CRYBG1: variants seen among roughly 807,000 people sequenced by gnomAD.
The protein encoded by CRYBG1 is crystallin beta-gamma domain containing 1.
Under a neutral mutation model 189.2 loss-of-function variants are expected in CRYBG1, and 139 were observed. The ratio of observed to expected loss-of-function variants is 0.73; its 90% CI spans 0.64 to 0.85. CRYBG1 has a LOEUF of 0.85. Among genes scored for constraint, CRYBG1 ranks in the 40% least tolerant of loss-of-function variants. The pLI is 0.00. For synonymous variants in CRYBG1, 1,023 were observed against 1,017.1 expected (o/e 1.01, Z -0.11); for missense variants, 2,611 against 2,675.8 (o/e 0.98, Z 0.53).
At chr6:106,472,665 C>T (rs140300040) in intron 2 of CRYBG1, among the ~76,000 whole-genome samples, 19 of 151,616 alleles carry the variant, frequency 1.3e-4, no homozygotes, top group Middle Eastern at 3.4e-3. Context: ...AAGGCCAAGG[C>T]GGGCAGATTG....
intron 2 of CRYBG1, among the ~76,000 whole-genome samples, chr6:106,505,584 G>A (rs774239557): frequency 9.3e-5 from 14 of 151,252 alleles, no homozygotes; most frequent in Non-Finnish European, 1.6e-4. Context: ...CCCCATCTTC[G>A]TTCTTTAGTT....
rs1416526362 is a variant in CRYBG1 at position 106,512,305 on chromosome 6, T to C, written c.1188T>C (p.Ile396=). Residue 396 remains isoleucine, a synonymous_variant, in exon 3 of 22, where the codon ATT becomes ATC. Coordinates refer to ENST00000633556, the MANE Select transcript of CRYBG1 (RefSeq NM_001371242.2). The part of the protein sequence containing the change: ...EGAQVDEPVV[I]TPRAEDCGDW... ...CACAAGTGGACGAGCCGGTCGTGAT[T>C]ACTCCCAGAGCGGAAGATTGCGGTG... 6.3e-7 allele frequency: 1 copy of C among 1,597,216 alleles called. No homozygotes were observed. Among genetic ancestry groups the C allele is most frequent in the Non-Finnish European group, 8.5e-7 (1 of 1,173,900 alleles).
intron 2 of CRYBG1, among the ~76,000 whole-genome samples, chr6:106,459,978 G>T (rs1051560839): frequency 1.3e-5 from 2 of 151,968 alleles, no homozygotes; most frequent in Non-Finnish European, 2.9e-5. Context: ...GTTTAAATTT[G>T]CAGTTCTTCA....
At chr6:106,379,304 C>T (rs1357981228) in intron 1 of CRYBG1, among the ~76,000 whole-genome samples, 1 of 151,380 alleles carries the variant, frequency 6.6e-6, no homozygotes. Context: ...CTCTGTTGCC[C>T]AGGCTGGAGT....
intron 1 of CRYBG1, among the ~76,000 whole-genome samples, chr6:106,414,174 T>A (rs1174211849): frequency 6.6e-6 from 1 of 152,240 alleles, no homozygotes; most frequent in East Asian, 1.9e-4. Context: ...TCCTGCTGTC[T>A]TTGAAAGAGT....
chr6:106,397,515 T>C (rs901737030), intron 1 of CRYBG1, among the ~76,000 whole-genome samples: 3 of 152,208 alleles, frequency 2.0e-5, no homozygotes, highest in Non-Finnish European at 2.9e-5. Flanking sequence ...TTGGGCACTT[T>C]TAAGGAGCTT....
At chr6:106,412,020 G>A (rs2114373087) in intron 1 of CRYBG1, among the ~76,000 whole-genome samples, 1 of 152,356 alleles carries the variant, frequency 6.6e-6, no homozygotes, top group South Asian at 2.1e-4. Context: ...TTTTCTCCCT[G>A]TTGGCTGACT....
At chr6:106,402,652 A>G (rs1770743276) in intron 1 of CRYBG1, among the ~76,000 whole-genome samples, 1 of 151,436 alleles carries the variant, frequency 6.6e-6, no homozygotes, top group South Asian at 2.1e-4. Flanking sequence ...TCAATTCAAG[A>G]TGGATTAAAG....
chr6:106,545,621 T>C (rs75938815), intron 13 of CRYBG1, among the ~76,000 whole-genome samples: 3,605 of 151,922 alleles, frequency 0.024, 154 homozygotes, highest in African/African-American at 0.081. Flanking sequence ...CTGTGTTAAC[T>C]TGACTTTAGG....
In CRYBG1 at chr6:106,512,099, CCCCGCAACG is replaced by C; in HGVS notation, c.989_997del (p.Asn330_Arg332del). ...GTGTGCCGAAGAAGGCTCCCTGGGG[CCCCGCAACG>C]CCCGCAGCCAGCCCCCCAAGGGCGC... On this transcript the variant is annotated inframe_deletion, in exon 3 of 22. Coordinates refer to ENST00000633556, the MANE Select transcript of CRYBG1 (RefSeq NM_001371242.2). 3.3e-6 allele frequency: 5 copies of C among 1,534,342 alleles called. No individual in the cohort carries two copies. In the South Asian group the frequency reaches 6.0e-5, roughly 18 times the overall value.
chr6:106,482,631 T>C lies in CRYBG1; in HGVS notation c.313-28799T>C, dbSNP rs557711596. Among the ~76,000 whole-genome samples the C allele has an allele frequency of 4.6e-5, 7 of 151,960 alleles. No homozygotes were observed. In the South Asian group the frequency reaches 8.3e-4, roughly 18 times the overall value. On this transcript the variant is annotated intron_variant, in intron 2 of 21. Coordinates refer to ENST00000633556, the MANE Select transcript of CRYBG1 (RefSeq NM_001371242.2). ...TCTACTAAAAATACAAAAAATTAGC[T>C]GGGCGTGGTGGCGGGCACCTGTATT... is the stretch of plus-strand genomic sequence containing the variant.
chr6:106,503,312 A>G (rs1253570419), intron 2 of CRYBG1, among the ~76,000 whole-genome samples: 2 of 152,042 alleles, frequency 1.3e-5, no homozygotes, highest in Admixed American at 6.6e-5. Context: ...GATCCAGCAC[A>G]CTCTATCTAC....
Position 106,512,611 on chromosome 6 carries a change from G to A in CRYBG1, c.1494G>A (p.Gly498=), listed in dbSNP as rs1374196598. ...PSPGTKGQLR[G]ESDRSKQPPP... ...CCGGTACCAAAGGGCAGCTCCGAGG[G>A]GAGTCGGACCGGAGCAAACAGCCAC... Residue 498 remains glycine (G), a synonymous_variant, in exon 3 of 22, where the codon GGG becomes GGA. Coordinates refer to ENST00000633556, the MANE Select transcript of CRYBG1 (RefSeq NM_001371242.2). 1.9e-6 allele frequency: 3 copies of A among 1,601,788 alleles called. No individual in the cohort carries two copies. Among genetic ancestry groups the A allele is most frequent in the Non-Finnish European group, 2.6e-6 (3 of 1,175,106 alleles).
At chr6:106,382,810 A>G (rs2114321777) in intron 1 of CRYBG1, among the ~76,000 whole-genome samples, 1 of 152,332 alleles carries the variant, frequency 6.6e-6, no homozygotes, top group South Asian at 2.1e-4. Context: ...TTGGATGATA[A>G]TCCATACACT....
intron 21 of CRYBG1, among the ~76,000 whole-genome samples, chr6:106,566,980 C>T (rs998509730): frequency 3.3e-5 from 5 of 152,140 alleles, no homozygotes; most frequent in Non-Finnish European, 7.3e-5. Flanking sequence ...GAAGCTGATT[C>T]ATGTTCACTT....
At chr6:106,389,795 T>G (rs1461849313) in intron 1 of CRYBG1, among the ~76,000 whole-genome samples, 1 of 152,076 alleles carries the variant, frequency 6.6e-6, no homozygotes, top group African/African-American at 2.4e-5. Context: ...TCACTTTATA[T>G]ATTTTTGCAT....
At chr6:106,431,027 A>G (rs1771316423) in intron 1 of CRYBG1, among the ~76,000 whole-genome samples, 2 of 151,702 alleles carry the variant, frequency 1.3e-5, no homozygotes, top group African/African-American at 2.4e-5. Flanking sequence ...ATGCCTGGCT[A>G]ATTTTTGTGT....
chr6:106,525,385 T>G lies in CRYBG1; in HGVS notation c.4411T>G (p.Cys1471Gly). 6.2e-7 allele frequency: 1 copy of G among 1,610,004 alleles called. No individual in the cohort carries two copies. The highest frequency in any genetic ancestry group is 8.5e-7 in the Non-Finnish European group (1 of 1,176,260). The change falls in exon 6 of 22, where the codon TGT becomes GGT. Residue 1471 changes from cysteine to glycine, a missense_variant and splice_region_variant. Transcript: ENST00000633556. ...GATACTCATAAAAGTTGTTAGAGGA[T>G]GGTAAGAATGGCACTTTAAGTTCCT... Reference protein sequence around the residue: ...PVILIKVVRGCWILYEQPNFE... With the variant: ...PVILIKVVRGGWILYEQPNFE...
intron 1 of CRYBG1, among the ~76,000 whole-genome samples, chr6:106,428,082 A>G (rs1771261043): frequency 6.6e-6 from 1 of 152,196 alleles, no homozygotes; most frequent in Non-Finnish European, 1.5e-5. Context: ...GCCTGAAGCC[A>G]CTTCATTTTT....
Sources: gnomAD v4.1 joint callset for allele counts (sites outside exome capture counted in the v4.1 genomes callset) on GRCh38, gnomAD v4.1.1 for gene constraint, MANE v1.5 for transcripts, NCBI Gene and HGNC (gene_info 2026-07-23, HGNC 2026-07-21) for gene names.